PDXDC1: variants seen among roughly 807,000 people sequenced by gnomAD.
PDXDC1 encodes pyridoxal-dependent decarboxylase domain-containing protein 1.
A neutral mutation model predicts 100.1 loss-of-function variants in PDXDC1; 42 were observed. The observed-to-expected ratio is 0.42, with a 90% CI of 0.33 to 0.54. PDXDC1 has a LOEUF of 0.54. Among genes scored for constraint, PDXDC1 ranks in the 20% least tolerant of loss-of-function variants. The pLI is 0.10. For synonymous variants in PDXDC1, 260 were observed against 371.7 expected (o/e 0.70, Z 3.46); for missense variants, 636 against 979.2 (o/e 0.65, Z 4.68).
intron 1 of PDXDC1, among the ~76,000 whole-genome samples, chr16:14,997,482 G>A (rs1196916622): frequency 6.6e-6 from 1 of 152,292 alleles, no homozygotes; most frequent in South Asian, 2.1e-4. Flanking sequence ...AGAGGTTGCA[G>A]TGAGCAAGGT....
intron 16 of PDXDC1, chr16:15,136,110 G>C: frequency 6.4e-7 from 1 of 1,573,196 alleles, no homozygotes; most frequent in Non-Finnish European, 8.6e-7. Context: ...CAGTCGAGAA[G>C]CCGATCCACA....
chr16:15,128,872 C>A (rs1389014936), intron 16 of PDXDC1, among the ~76,000 whole-genome samples: 6 of 149,304 alleles, frequency 4.0e-5, no homozygotes, highest in Admixed American at 4.0e-4. Flanking sequence ...GTGGCGCAAT[C>A]TCAGCTCACT....
chr16:15,085,509 G>C (rs1036796344), intron 16 of PDXDC1: 1 of 1,175,768 alleles, frequency 8.5e-7, no homozygotes, highest in African/African-American at 1.6e-5. Context: ...GCAGAGACAA[G>C]GTCTCACTAT....
intron 16 of PDXDC1, among the ~76,000 whole-genome samples, chr16:15,100,956 G>A (rs191806332): frequency 2.0e-5 from 3 of 152,288 alleles, no homozygotes; most frequent in African/African-American, 7.2e-5. Context: ...ACTGCATCCT[G>A]CAACAGGGAC....
In PDXDC1 at chr16:15,063,017, A is replaced by C. The variant is rs561249779; in HGVS notation, c.1399+32961A>C. Among the ~76,000 whole-genome samples, 3 of 152,268 alleles carry C rather than the reference A, an allele frequency of 2.0e-5. No homozygotes were observed. In the East Asian group the frequency reaches 5.8e-4, roughly 29 times the overall value. On this transcript the variant is annotated intron_variant, in intron 16 of 16. Transcript: ENST00000535621. The stretch of plus-strand genomic sequence containing the variant: ...CACCACCACGCCCAGCTAATTAAAA[A>C]AATTTTTGTAGAAACAGGGTGTCAC...
intron 16 of PDXDC1, chr16:15,071,301 T>C (rs2045216989): frequency 6.5e-7 from 1 of 1,527,278 alleles, no homozygotes; most frequent in East Asian, 2.3e-5. Flanking sequence ...CCTAAGATAA[T>C]CTGGCTATCA....
chr16:14,974,915 C>T (rs1197633059), upstream of PDXDC1: 1 of 1,535,324 alleles, frequency 6.5e-7, no homozygotes, highest in Non-Finnish European at 8.7e-7. Flanking sequence ...GTGAACAATC[C>T]ACCGGGCATC....
chr16:15,048,089 C>T, intron 16 of PDXDC1: 8 of 1,598,358 alleles, frequency 5.0e-6, no homozygotes, highest in Non-Finnish European at 6.8e-6. Flanking sequence ...TCTGAGAAGT[C>T]TGGCTCTTTC....
At chr16:15,132,750 G>A in intron 16 of PDXDC1, 8 of 1,136,674 alleles carry the variant, frequency 7.0e-6, no homozygotes, top group Non-Finnish European at 9.2e-6. Context: ...GCAGCGATCT[G>A]CTGGATGTCA....
chr16:14,975,018 C>G (rs1966565880), upstream of PDXDC1: 1 of 1,533,292 alleles, frequency 6.5e-7, no homozygotes. Flanking sequence ...GGGGCCCCGC[C>G]CCGCCGCCTC....
intron 8 of PDXDC1, among the ~76,000 whole-genome samples, chr16:15,010,695 A>G (rs2151438647): frequency 6.6e-6 from 1 of 152,412 alleles, no homozygotes; most frequent in South Asian, 2.1e-4. Context: ...AAAGGAAGAA[A>G]TAAAACTTTG....
rs1324813765 is a variant in PDXDC1, at chr16:15,109,256, T to C, written c.1400-29623T>C. On this transcript the variant is annotated intron_variant, in intron 16 of 16. Transcript: ENST00000535621. ...GTGACCCAAGCATTGAATTCAACAA[T>C]CCAGGCTGGGTGCGGTGGCTCACAC... 3 of 148,202 alleles carry C rather than the reference T, an allele frequency of 2.0e-5. 1 individual carries two copies. Among genetic ancestry groups the C allele is most frequent in the African/African-American group, 7.3e-5 (3 of 40,918 alleles). The allele number at this position is 148,202 out of a possible 1,614,324, so 9.2% of individuals were successfully genotyped here.
At chr16:15,117,464 C>A (rs1469301394) in intron 16 of PDXDC1, among the ~76,000 whole-genome samples, 1 of 149,800 alleles carries the variant, frequency 6.7e-6, no homozygotes, top group African/African-American at 2.5e-5. Context: ...GGAGACTATC[C>A]TGGCGAACAT....
intron 16 of PDXDC1, among the ~76,000 whole-genome samples, chr16:15,102,055 T>A (rs1300674414): frequency 1.3e-5 from 2 of 151,756 alleles, no homozygotes; most frequent in African/African-American, 4.8e-5. Context: ...GCCATGTTGG[T>A]CAGGCTGCTC....
At chr16:15,055,950 G>A (rs2044496277) in intron 16 of PDXDC1, 3 of 1,230,132 alleles carry the variant, frequency 2.4e-6, no homozygotes, top group Non-Finnish European at 3.0e-6. Context: ...CGCACTCGCC[G>A]CCCCTCGACG....
At chr16:15,098,600 C>G (rs4012866) in intron 16 of PDXDC1, among the ~76,000 whole-genome samples, 3 of 151,708 alleles carry the variant, frequency 2.0e-5, no homozygotes, top group African/African-American at 7.3e-5. Context: ...CCTTCTTGGC[C>G]GGGCATGGTG....
At chr16:15,002,724 A>C (rs1973424389) in intron 4 of PDXDC1, among the ~76,000 whole-genome samples, 1 of 152,182 alleles carries the variant, frequency 6.6e-6, no homozygotes, top group Admixed American at 6.5e-5. Flanking sequence ...GATCCTGCCA[A>C]ATTTCCCTCC....
intron 8 of PDXDC1, among the ~76,000 whole-genome samples, chr16:15,014,280 T>G (rs1318187381): frequency 6.6e-6 from 1 of 152,082 alleles, no homozygotes; most frequent in Admixed American, 6.5e-5. Flanking sequence ...AAACCATCAC[T>G]TCCTGCCTTA....
At chr16:15,038,651 G>A (rs568205610), downstream of PDXDC1, 31 of 1,605,310 alleles carry the variant, frequency 1.9e-5, no homozygotes, top group Admixed American at 1.2e-4. Flanking sequence ...GGTCCTATAC[G>A]AAGTTGTTCT....
Sources: allele counts gnomAD v4.1 joint callset (sites outside exome capture counted in the v4.1 genomes callset), GRCh38; gene constraint gnomAD v4.1.1; transcripts MANE v1.5; gene names NCBI Gene and HGNC (gene_info 2026-07-23, HGNC 2026-07-21).